The following RPN1 variants were observed in gnomAD, a reference collection of about 807,000 sequenced individuals.
RPN1 encodes the protein ribophorin I.
RPN1 carries 12 observed loss-of-function variants against 55.5 expected under a neutral mutation model. That is an observed-to-expected ratio of 0.22 (90% confidence interval 0.14 to 0.35). The LOEUF is 0.35. Ranked by LOEUF, RPN1 falls within the 10% of genes least tolerant of loss-of-function variation. The probability of loss-of-function intolerance (pLI) is 1.00; values close to 1 mark genes in which losing one functional copy is unlikely to be tolerated. For synonymous variants in RPN1, 317 were observed against 305.9 expected, an observed-to-expected ratio of 1.04 and a Z score of -0.38; for missense variants, 679 against 761.3, an observed-to-expected ratio of 0.89 and a Z score of 1.27.
chr3:128,635,610 G>GAGAT (rs1196578449), intron 3 of RPN1, among the ~76,000 whole-genome samples: 4 of 59,034 alleles, frequency 6.8e-5, no homozygotes, highest in African/African-American at 3.0e-4. Context: ...CCTATAACTT[G>GAGAT]AGATATATAT....
chr3:128,622,880 G>C, intron 8 of RPN1, among the ~76,000 whole-genome samples: 1 of 146,328 alleles, frequency 6.8e-6, no homozygotes, highest in South Asian at 2.1e-4. Flanking sequence ...CTGGGCGACA[G>C]AGCGAAACTC....
chr3:128,627,612 ACT>A (rs2069608871), intron 5 of RPN1, among the ~76,000 whole-genome samples: 1 of 151,656 alleles, frequency 6.6e-6, no homozygotes, highest in East Asian at 1.9e-4. Context: ...CTCTACTAAA[ACT>A]ATAAAAATTA....
At chr3:128,629,765 A>G (rs1041050310) in intron 5 of RPN1, among the ~76,000 whole-genome samples, 186 bp downstream of exon 5, 2 of 152,200 alleles carry the variant, frequency 1.3e-5, no homozygotes, top group Non-Finnish European at 2.9e-5. Flanking sequence ...CGGATTGACT[A>G]TCAAATGCAT....
intron 4 of RPN1, 37 bp downstream of exon 4, chr3:128,631,911 C>T: frequency 6.2e-7 from 1 of 1,604,876 alleles, no homozygotes; most frequent in Non-Finnish European, 8.5e-7. Flanking sequence ...TGATAAAGTC[C>T]TCATTTCTCA....
At chr3:128,648,896 C>T (rs1381933490) in intron 1 of RPN1, among the ~76,000 whole-genome samples, 1 of 152,238 alleles carries the variant, frequency 6.6e-6, no homozygotes, top group East Asian at 1.9e-4. Context: ...TTACTCTGCA[C>T]TGTAAGACCG....
intron 5 of RPN1, 55 bp from the exon 6 acceptor site, chr3:128,626,887 G>C: frequency 7.9e-6 from 12 of 1,518,126 alleles, no homozygotes; most frequent in Non-Finnish European, 1.0e-5. Flanking sequence ...AAATGGGCAG[G>C]AGAGAAAGAA....
chr3:128,634,260 A>G (rs1163935354), intron 3 of RPN1, among the ~76,000 whole-genome samples: 1 of 150,434 alleles, frequency 6.6e-6, no homozygotes, highest in East Asian at 2.0e-4. Flanking sequence ...CTCAAGAGGC[A>G]GAGGTTGCAG....
At chr3:128,624,160 A>G (rs542185770) in intron 8 of RPN1, among the ~76,000 whole-genome samples, 1 of 152,204 alleles carries the variant, frequency 6.6e-6, no homozygotes, top group African/African-American at 2.4e-5. Context: ...CAAACACTGT[A>G]TTGAGTACTG....
chr3:128,638,820 G>A (rs2069702871), intron 2 of RPN1, among the ~76,000 whole-genome samples: 1 of 152,072 alleles, frequency 6.6e-6, no homozygotes, highest in African/African-American at 2.4e-5. Context: ...ACAAAAATTA[G>A]CTGGGCGTGG....
chr3:128,647,332 T>A (rs913509173), intron 1 of RPN1, among the ~76,000 whole-genome samples: 3 of 152,138 alleles, frequency 2.0e-5, no homozygotes, highest in African/African-American at 7.2e-5. Flanking sequence ...CATACAATCA[T>A]CCTCAATAAA....
At chr3:128,644,016 C>G (rs1484845472) in intron 2 of RPN1, among the ~76,000 whole-genome samples, 1 of 152,184 alleles carries the variant, frequency 6.6e-6, no homozygotes, top group Non-Finnish European at 1.5e-5. Context: ...AGTTTAACCC[C>G]ACCCAGCCTT....
At chr3:128,648,267 C>T (rs1167934152) in intron 1 of RPN1, among the ~76,000 whole-genome samples, 2 of 152,056 alleles carry the variant, frequency 1.3e-5, no homozygotes, top group African/African-American at 2.4e-5. Flanking sequence ...TGGCAGCACG[C>T]GCCTGTAGTC....
intron 5 of RPN1, chr3:128,627,107 T>C: frequency 2.4e-6 from 1 of 417,356 alleles, no homozygotes. Context: ...GGGCAACTGA[T>C]GGGCTTGAGA....
rs113978550 is a variant in RPN1 at position 128,627,378 on chromosome 3, G to C, written c.1037-546C>G. On this transcript the variant is annotated intron_variant, in intron 5 of 9. Coordinates refer to ENST00000296255, the MANE Select transcript of RPN1 (RefSeq NM_002950.4). ...CAATGGAACTCAAAAACCGCACAGAGGAAAGCTCAGAAAGCAAGCCACATG... is the reference window on the plus strand; with the variant it reads ...CAATGGAACTCAAAAACCGCACAGACGAAAGCTCAGAAAGCAAGCCACATG... 9.8e-3 allele frequency: 1,513 copies of C among 154,064 alleles called. 9 individuals are homozygous for C. Among genetic ancestry groups the C allele is most frequent in the Non-Finnish European group, 0.017 (1,183 of 69,110 alleles). The allele number at this position is 154,064 out of a possible 1,614,324, so 9.5% of individuals were successfully genotyped here.
chr3:128,625,970 TG>T lies in RPN1; in HGVS notation c.1178del (p.Pro393GlnfsTer16). 6.2e-7 allele frequency: 1 copy of T among 1,612,584 alleles called. No individual in the cohort carries two copies. Among genetic ancestry groups the T allele is most frequent in the Admixed American group, 1.7e-5 (1 of 59,466 alleles). On this transcript the variant is annotated frameshift_variant, in exon 7 of 10. Coordinates refer to ENST00000296255, the MANE Select transcript of RPN1 (RefSeq NM_002950.4). LOFTEE classifies it high-confidence loss of function. Reference protein sequence around the residue: ...IDSPYEISRAPDELHYTYLDT... With the variant: ...IDSPYEISRAXDELHYTYLDT... Reference sequence around the variant, plus strand: ...CCAGATAGGTGTAGTGCAGCTCATCTGGGGCACGGCTGATTTCATAGGGACT... The same window carrying T: ...CCAGATAGGTGTAGTGCAGCTCATCTGGGCACGGCTGATTTCATAGGGACT...
In RPN1 at chr3:128,638,048, T is replaced by C; in HGVS notation, c.384A>G (p.Ser128=). Residue 128 remains serine (S), a synonymous_variant, in exon 3 of 10, where the codon TCA becomes TCG. Coordinates refer to ENST00000296255, the MANE Select transcript of RPN1 (RefSeq NM_002950.4). ...PVALDPGAKI[S]VIVETVYTHV... ...GGGTGTAGACTGTTTCCACAATGAC[T>C]GAAATCTTGGCCCCAGGATCAAGAG... is the stretch of plus-strand genomic sequence containing the variant. The C allele has an allele frequency of 6.2e-7, 1 of 1,614,030 alleles. No individual in the cohort carries two copies.
Position 128,650,782 on chromosome 3 carries a change from C to G in RPN1, c.19G>C (p.Gly7Arg). 6.5e-7 allele frequency: 1 copy of G among 1,536,590 alleles called. No individual in the cohort carries two copies. The highest frequency in any genetic ancestry group is 8.8e-7 in the Non-Finnish European group (1 of 1,139,130). The change falls in exon 1 of 10, where the codon GGC becomes CGC. Residue 7 changes from glycine to arginine, a missense_variant. By Grantham distance (125) the Gly-to-Arg change is moderately radical. Around this residue, in one of 3 missense-constraint regions of RPN1, gnomAD observed 352 missense variants for 352.8 expected, o/e 1.00. Transcript: ENST00000296255. MEAPAA[G>R]LFLLLLLGTW... Reference sequence around the variant, plus strand: ...CCAAGCAACAGGAGCAGAAACAAGCCGGCGGCTGGCGCCTCCATGACCGGG... The same window carrying G: ...CCAAGCAACAGGAGCAGAAACAAGCGGGCGGCTGGCGCCTCCATGACCGGG...
chr3:128,644,924 A>G lies in RPN1; in HGVS notation c.321T>C (p.Gly107=), dbSNP rs1250807042. Residue 107 remains glycine, a synonymous_variant, in exon 2 of 10, where the codon GGT becomes GGC. Transcript: ENST00000296255. ...NLEVRETKIK[G]KSGRFFTVKL... ...TATATTGTTTGTCAGCTTACCTTTT[A>G]CCCTTAATTTTGGTTTCACGTACTT... is the stretch of plus-strand genomic sequence containing the variant. 1 of 1,529,972 alleles carries G rather than the reference A, an allele frequency of 6.5e-7. No individual in the cohort carries two copies. Among genetic ancestry groups the G allele is most frequent in the Non-Finnish European group, 9.1e-7 (1 of 1,103,442 alleles). 94.8% of individuals were successfully genotyped at this position (1,529,972 alleles called of 1,614,324 possible).
At chr3:128,636,678 C>T (rs888800231) in intron 3 of RPN1, among the ~76,000 whole-genome samples, 6 of 151,974 alleles carry the variant, frequency 3.9e-5, no homozygotes, top group African/African-American at 1.4e-4. Context: ...CTCAGCCTCC[C>T]AAGTAGCTGA....
Sources: gnomAD v4.1 joint callset for allele counts (sites outside exome capture counted in the v4.1 genomes callset) on GRCh38, gnomAD v4.1.1 for gene constraint, gnomAD v4.1.1 regional missense constraint, MANE v1.5 for transcripts, NCBI Gene and HGNC (gene_info 2026-07-23, HGNC 2026-07-21) for gene names.